The following C5orf47 variants were observed in gnomAD, a reference collection of about 807,000 sequenced individuals.
The protein encoded by C5orf47 is chromosome 5 open reading frame 47, also known as uncharacterized protein C5orf47.
In C5orf47, 20 loss-of-function variants were observed where a neutral mutation model predicts 20.6. The observed-to-expected ratio is 0.97, with a 90% CI of 0.68 to 1.41. The LOEUF is 1.41. C5orf47 is among the 40% of genes most tolerant of loss of function. The pLI is 0.00. For synonymous variants in C5orf47, 106 were observed against 97.3 expected, an observed-to-expected ratio of 1.09 and a Z score of -0.53; for missense variants, 262 against 238.4, an observed-to-expected ratio of 1.10 and a Z score of -0.65.
intron 3 of C5orf47, among the ~76,000 whole-genome samples, chr5:174,000,158 A>G (rs1182271050): frequency 6.6e-6 from 1 of 152,136 alleles, no homozygotes; most frequent in Non-Finnish European, 1.5e-5. Context: ...TTTAACTGCA[A>G]TATAAAATTA....
chr5:174,001,190 T>G lies in C5orf47; in HGVS notation c.512-6T>G. On this transcript the variant is annotated splice_polypyrimidine_tract_variant and splice_region_variant and intron_variant, in intron 3 of 4. Coordinates refer to ENST00000340147, the MANE Select transcript of C5orf47 (RefSeq NM_001144954.2). ...AAATTTTCCTTATTTTTTATGTTGT[T>G]TGCAGGCTCAAATTACACAAGATGA... The G allele has an allele frequency of 6.6e-7, 1 of 1,518,432 alleles. No homozygotes were observed. 94.1% of individuals were successfully genotyped at this position (1,518,432 alleles called of 1,614,324 possible).
rs954911372 is a variant in C5orf47, at chr5:173,989,439, C to T, written c.176C>T (p.Ala59Val). The T allele has an allele frequency of 7.7e-6, 12 of 1,549,210 alleles. 1 individual carries two copies. The South Asian group carries it at 1.1e-4, about 14-fold the overall frequency. ...CRQEKPREAM[A>V]VAGVQGGSEL... ...CAGGAGAAGCCGAGGGAAGCAATGGCGGTGGCGGGCGTTCAGGGTGGCAGC... is the reference window on the plus strand; with the variant it reads ...CAGGAGAAGCCGAGGGAAGCAATGGTGGTGGCGGGCGTTCAGGGTGGCAGC... The change falls in exon 1 of 5, where the codon GCG becomes GTG. Residue 59 changes from alanine to valine, a missense_variant. Physicochemically the swap from Ala to Val is moderately conservative, Grantham distance 64. Transcript: ENST00000340147.
At position 173,991,142 on chromosome 5, in the gene C5orf47, T is replaced by TA. The variant is rs142980089; in HGVS notation, c.325+1554_325+1555insA. ...GTTGAATCATAGAGTATGTGGGCTTTTGTGACTGGCTTTTTTCACTTAGCC... is the reference window on the plus strand; with the variant it reads ...GTTGAATCATAGAGTATGTGGGCTTTATGTGACTGGCTTTTTTCACTTAGCC... On this transcript the variant is annotated intron_variant, in intron 1 of 4. Transcript: ENST00000340147. Among the ~76,000 whole-genome samples, 8 of 152,326 alleles carry TA rather than the reference T, an allele frequency of 5.3e-5. No homozygotes were observed. The East Asian group carries it at 1.5e-3, about 29-fold the overall frequency.
chr5:173,989,519 G>T lies in C5orf47; in HGVS notation c.256G>T (p.Ala86Ser), dbSNP rs1338245958. The T allele has an allele frequency of 2.0e-6, 3 of 1,535,424 alleles. No individual in the cohort carries two copies. The Admixed American group carries it at 6.1e-5, about 31-fold the overall frequency. The change falls in exon 1 of 5, where the codon GCG (alanine) becomes TCG (serine). Residue 86 changes from alanine (A) to serine (S), a missense_variant. Ala to Ser is a moderately conservative substitution (Grantham distance 99). Transcript: ENST00000340147. Reference protein sequence around the residue: ...RVPTTPGVEAAASASSQLRAS... With the variant: ...RVPTTPGVEASASASSQLRAS... ...CCCCACGACCCCTGGTGTGGAGGCT[G>T]CGGCCTCTGCCTCCTCCCAGCTGCG...
At chr5:174,007,476 A>G (rs1235068397), downstream of C5orf47, among the ~76,000 whole-genome samples, 1 of 152,194 alleles carries the variant, frequency 6.6e-6, no homozygotes, top group African/African-American at 2.4e-5. Context: ...CATTTGAATC[A>G]GAAAAGGTCA....
chr5:174,009,471 G>T (rs1038872403), downstream of C5orf47, among the ~76,000 whole-genome samples: 1 of 146,188 alleles, frequency 6.8e-6, no homozygotes, highest in African/African-American at 2.4e-5. Context: ...TGCATTTGGT[G>T]TTATAAGTTT....
intron 1 of C5orf47, among the ~76,000 whole-genome samples, chr5:173,994,611 A>G (rs1409081627): frequency 1.3e-5 from 2 of 152,186 alleles, no homozygotes; most frequent in Non-Finnish European, 2.9e-5. Context: ...AGAGAGAAGG[A>G]AGAATTGCGG....
chr5:173,989,386 G>A lies in C5orf47; in HGVS notation c.123G>A (p.Trp41Ter). The change falls in exon 1 of 5, where the codon TGG (tryptophan) becomes TGA (stop). Residue 41 changes from tryptophan to a stop codon, truncating the protein, a stop_gained. Transcript: ENST00000340147. LOFTEE classifies it high-confidence loss of function. The stretch of plus-strand genomic sequence containing the variant: ...GCGGCCGTGGAGCTCAAGGCCTTTG[G>A]GGTCAGGGGCCTGGGGCAGGCTGTC... ...QLGGRGAQGL[W>*]GQGPGAGCRQ... The A allele has an allele frequency of 6.5e-7, 1 of 1,538,702 alleles. No individual in the cohort carries two copies. Among genetic ancestry groups the A allele is most frequent in the Non-Finnish European group, 8.8e-7 (1 of 1,140,790 alleles).
At chr5:174,001,958 C>CTTT (rs375423569) in intron 4 of C5orf47, among the ~76,000 whole-genome samples, 1 of 133,468 alleles carries the variant, frequency 7.5e-6, no homozygotes, top group Non-Finnish European at 1.6e-5. Flanking sequence ...TTTTTTTTTT[C>CTTT]TTTTTTTTTT....
chr5:173,996,753 A>G (rs1759106542), intron 1 of C5orf47, among the ~76,000 whole-genome samples: 1 of 152,232 alleles, frequency 6.6e-6, no homozygotes, highest in African/African-American at 2.4e-5. Flanking sequence ...CAAATATAAT[A>G]AAGGCAAAAC....
intron 4 of C5orf47, among the ~76,000 whole-genome samples, chr5:174,002,945 T>C (rs1759225268): frequency 3.3e-5 from 5 of 152,174 alleles, no homozygotes; most frequent in Admixed American, 3.3e-4. Flanking sequence ...CAAGACTTGC[T>C]GATGCCTACT....
downstream of C5orf47, among the ~76,000 whole-genome samples, chr5:174,007,395 T>C (rs1242421113): frequency 1.3e-5 from 2 of 152,206 alleles, no homozygotes; most frequent in Admixed American, 6.5e-5. Flanking sequence ...ACAGCTGCTT[T>C]GCTAGACAGT....
At chr5:173,995,500 A>T (rs1467303759) in intron 1 of C5orf47, among the ~76,000 whole-genome samples, 2 of 152,194 alleles carry the variant, frequency 1.3e-5, no homozygotes, top group African/African-American at 4.8e-5. Flanking sequence ...CATCAGCAGG[A>T]TCATATTGGC....
intron 1 of C5orf47, among the ~76,000 whole-genome samples, chr5:173,996,669 C>A (rs1001399626): frequency 6.6e-6 from 1 of 152,016 alleles, no homozygotes; most frequent in African/African-American, 2.4e-5. Context: ...AACTAAATTT[C>A]TTTTTAGAAC....
intron 2 of C5orf47, among the ~76,000 whole-genome samples, chr5:173,998,751 T>A (rs1759143914): frequency 6.6e-6 from 1 of 152,214 alleles, no homozygotes; most frequent in Non-Finnish European, 1.5e-5. Flanking sequence ...CAAGACCGGA[T>A]GCTCTGCAAG....
chr5:174,007,741 G>A (rs1287237055), downstream of C5orf47, among the ~76,000 whole-genome samples: 1 of 151,970 alleles, frequency 6.6e-6, no homozygotes, highest in African/African-American at 2.4e-5. Context: ...TGTATTTTTA[G>A]TAGAGACGGG....
At chr5:173,997,727 T>TGC (rs1258331316) in intron 1 of C5orf47, among the ~76,000 whole-genome samples, 3 of 152,092 alleles carry the variant, frequency 2.0e-5, no homozygotes, top group Admixed American at 6.6e-5. Flanking sequence ...TGTGTGTGTG[T>TGC]GCTGAAAGTG....
In C5orf47 at chr5:173,996,743, CAA is replaced by C. The variant is rs529778883; in HGVS notation, c.326-1408_326-1407del. Among the ~76,000 whole-genome samples, 47 of 152,150 alleles carry C rather than the reference CAA, an allele frequency of 3.1e-4. 1 individual carries two copies. The South Asian group carries it at 9.1e-3, about 30-fold the overall frequency. On this transcript the variant is annotated intron_variant, in intron 1 of 4. Coordinates refer to ENST00000340147, the MANE Select transcript of C5orf47 (RefSeq NM_001144954.2). The stretch of plus-strand genomic sequence containing the variant: ...GCTATAAATAGAAATTAATTAGAAA[CAA>C]ATATAATAAAGGCAAAACAATATTA...
chr5:174,003,503 TAGTG>T (rs1249844267), intron 4 of C5orf47, among the ~76,000 whole-genome samples: 4 of 152,210 alleles, frequency 2.6e-5, no homozygotes, highest in South Asian at 4.2e-4. Context: ...TTTTAGGTAA[TAGTG>T]AGGTACTCAG....
Sources: gnomAD v4.1 joint callset for allele counts (sites outside exome capture counted in the v4.1 genomes callset) on GRCh38, gnomAD v4.1.1 for gene constraint, MANE v1.5 for transcripts, NCBI Gene and HGNC (gene_info 2026-07-23, HGNC 2026-07-21) for gene names.